MYCBP2: variants seen among roughly 807,000 people sequenced by gnomAD.
MYCBP2 encodes E3 ubiquitin-protein ligase MYCBP2.
Under a neutral mutation model 525.3 loss-of-function variants are expected in MYCBP2, and 120 were observed. That is an observed-to-expected ratio of 0.23 (90% CI 0.20 to 0.27). The LOEUF (loss-of-function observed/expected upper bound fraction) is 0.27, where lower values mean the gene tolerates loss of function less well. Among genes scored for constraint, MYCBP2 ranks in the 10% least tolerant of loss-of-function variants. The pLI is 1.00. For synonymous variants in MYCBP2, 1,894 were observed against 1,955.8 expected (o/e 0.97, Z 0.83); for missense variants, 4,149 against 5,657.1 (o/e 0.73, Z 8.55).
At chr13:77,222,875 T>C (rs1292114470) in intron 20 of MYCBP2, among the ~76,000 whole-genome samples, 1 of 152,220 alleles carries the variant, frequency 6.6e-6, no homozygotes, top group African/African-American at 2.4e-5. Flanking sequence ...GTAAGTTCTC[T>C]TTCTTTCACT....
intron 60 of MYCBP2, 44 bp from the exon 61 acceptor site, chr13:77,089,075 T>C (rs576506767): frequency 5.0e-6 from 7 of 1,391,570 alleles, no homozygotes; most frequent in Admixed American, 2.1e-5. Flanking sequence ...AGGCAGTGCA[T>C]ATATATTTAA....
rs151158886 is a variant in MYCBP2 at position 77,077,025 on chromosome 13, G to GA, written c.11724+122dup. 8.2e-3 allele frequency: 11,379 copies of GA among 1,382,408 alleles called. 691 individuals carry two copies. In the African/African-American group the frequency reaches 0.14, roughly 16 times the overall value. The allele number at this position is 1,382,408 out of a possible 1,614,324, so 85.6% of individuals were successfully genotyped here. On this transcript the variant is annotated intron_variant, in intron 67 of 82. Transcript: ENST00000544440. ...ACTCAGGTGTTTAGGGCTATGAAAA[G>GA]AAAAAATGGGCAACATTTATAGCCA...
At chr13:77,118,297 C>T (rs908638501) in intron 55 of MYCBP2, 2 of 712,450 alleles carry the variant, frequency 2.8e-6, no homozygotes, top group Non-Finnish European at 5.1e-6. Context: ...CAGAACAAAG[C>T]TTCAGAAATG....
intron 75 of MYCBP2, 61 bp from the exon 76 acceptor site, chr13:77,061,362 A>G: frequency 7.4e-7 from 1 of 1,345,444 alleles, no homozygotes; most frequent in African/African-American, 1.5e-5. Flanking sequence ...AAGGGAGAGT[A>G]TAAAATTTAA....
At chr13:77,191,849 C>CACGATA in intron 27 of MYCBP2, 36 bp from the exon 28 acceptor site, 1 of 1,599,030 alleles carries the variant, frequency 6.3e-7, no homozygotes, top group Non-Finnish European at 8.6e-7. Context: ...ACAATATTTT[C>CACGATA]TTACTTCTCT....
At chr13:77,141,712 A>G (rs921650184) in intron 49 of MYCBP2, among the ~76,000 whole-genome samples, 7 of 151,106 alleles carry the variant, frequency 4.6e-5, no homozygotes, top group Middle Eastern at 3.4e-3. Flanking sequence ...TGGAGGTTGC[A>G]GTGGGCAGGG....
At chr13:77,077,800 A>T (rs1388563923) in intron 66 of MYCBP2, 1 of 156,064 alleles carries the variant, frequency 6.4e-6, no homozygotes, top group African/African-American at 2.4e-5. Context: ...CCTCACATTA[A>T]AGTACCATTT....
intron 1 of MYCBP2, among the ~76,000 whole-genome samples, chr13:77,308,501 C>A (rs960561443): frequency 6.6e-6 from 1 of 152,194 alleles, no homozygotes; most frequent in Non-Finnish European, 1.5e-5. Context: ...CTCATCCATA[C>A]AATAGGGTGA....
At position 77,233,177 on chromosome 13, in the gene MYCBP2, G is replaced by T; in HGVS notation, c.2716C>A (p.His906Asn). ...ATACCTTTGTGCTTGTCCCGTTTAT[G>T]CTTTAGCTGTGCTGGATGGGATCTG... is the stretch of plus-strand genomic sequence containing the variant. ...RLRSHPAQLK[H>N]KRDKHKDGSG... Residue 906 changes from histidine (H) to asparagine (N), a missense_variant, in exon 18 of 83, where the codon CAT (histidine) becomes AAT (asparagine). This residue lies in a region of MYCBP2 where 620 missense variants were observed against 795.5 expected (regional missense o/e 0.78). Transcript: ENST00000544440. 6.2e-7 allele frequency: 1 copy of T among 1,613,804 alleles called. No homozygotes were observed. Among genetic ancestry groups the T allele is most frequent in the Non-Finnish European group, 8.5e-7 (1 of 1,179,754 alleles).
chr13:77,312,936 A>G (rs1037415304), intron 1 of MYCBP2, among the ~76,000 whole-genome samples: 3 of 151,998 alleles, frequency 2.0e-5, no homozygotes, highest in African/African-American at 7.2e-5. Context: ...ACATTTATAG[A>G]ACTTCATGTC....
intron 2 of MYCBP2, 28 bp from the exon 3 acceptor site, chr13:77,288,404 T>C: frequency 6.4e-7 from 1 of 1,559,716 alleles, no homozygotes; most frequent in Non-Finnish European, 8.8e-7. Flanking sequence ...ATATTTCCAT[T>C]TCACACTCTT....
In MYCBP2 at chr13:77,150,736, T is replaced by C. The variant is rs370575075; in HGVS notation, c.7129A>G (p.Lys2377Glu). The C allele has an allele frequency of 4.0e-5, 64 of 1,610,156 alleles. No individual in the cohort carries two copies. Among genetic ancestry groups the C allele is most frequent in the Non-Finnish European group, 4.5e-5 (53 of 1,178,372 alleles). ...EARYIAITMM[K>E]VYENYSFEEL... is the part of the protein sequence containing the mutation. ...TTCTGATAAGTAAAATAAATTACCT[T>C]CATCATTGTTATGGCAATATATCGA... The change falls in exon 47 of 83, where the codon AAG becomes GAG. Residue 2377 changes from lysine (K) to glutamate (E), a missense_variant and splice_region_variant. Physicochemically the swap from Lys to Glu is moderately conservative, Grantham distance 56. Transcript: ENST00000544440.
At chr13:77,128,984 A>G (rs1022329572) in intron 52 of MYCBP2, among the ~76,000 whole-genome samples, 1 of 152,066 alleles carries the variant, frequency 6.6e-6, no homozygotes, top group Non-Finnish European at 1.5e-5. Context: ...ACTTAAACTA[A>G]TAATACATTC....
intron 60 of MYCBP2, 114 bp from the exon 61 acceptor site, chr13:77,089,145 C>T (rs532338594): frequency 1.4e-6 from 1 of 724,844 alleles, no homozygotes; most frequent in African/African-American, 1.8e-5. Context: ...GAACATGACA[C>T]AAATCATAAC....
At chr13:77,304,099 C>T (rs1489922137) in intron 1 of MYCBP2, among the ~76,000 whole-genome samples, 1 of 152,106 alleles carries the variant, frequency 6.6e-6, no homozygotes, top group Admixed American at 6.5e-5. Context: ...AACAGAACTA[C>T]CATATGATCC....
In MYCBP2 at chr13:77,216,878, G is replaced by A. The variant is rs562062668; in HGVS notation, c.3057+962C>T. 4.6e-5 allele frequency among the ~76,000 whole-genome samples: 7 copies of A among 152,158 alleles called. No homozygotes were observed. The East Asian group carries it at 5.8e-4, about 13-fold the overall frequency. Reference sequence around the variant, plus strand: ...CAAACTAAAGTATGTAGGAGGTAACGGGCCATAATGTACACAAGACATTGT... The same window carrying A: ...CAAACTAAAGTATGTAGGAGGTAACAGGCCATAATGTACACAAGACATTGT... On this transcript the variant is annotated intron_variant, in intron 21 of 82. Transcript: ENST00000544440.
chr13:77,277,924 T>C (rs2075803696), intron 4 of MYCBP2, among the ~76,000 whole-genome samples: 1 of 152,218 alleles, frequency 6.6e-6, no homozygotes, highest in Non-Finnish European at 1.5e-5. Context: ...TATGCTTCCA[T>C]CTATATTTCT....
intron 57 of MYCBP2, 52 bp from the exon 58 acceptor site, chr13:77,095,654 T>C: frequency 6.3e-7 from 1 of 1,576,566 alleles, no homozygotes. Context: ...TTAAAATCCT[T>C]AGTTTCTTAA....
rs1366525979 is a variant in MYCBP2 at position 77,291,431 on chromosome 13, G to C, written c.379-3055C>G. Among the ~76,000 whole-genome samples the C allele has an allele frequency of 2.6e-5, 4 of 152,164 alleles. No homozygotes were observed. In the East Asian group the frequency reaches 7.7e-4, roughly 29 times the overall value. On this transcript the variant is annotated intron_variant, in intron 2 of 82. Coordinates refer to ENST00000544440, the MANE Select transcript of MYCBP2 (RefSeq NM_015057.5). ...GTCATATACCACTGGTGGGACTACA[G>C]ATTGGAACAACCACTTTGGAAAAGA...
Sources: allele counts gnomAD v4.1 joint callset (sites outside exome capture counted in the v4.1 genomes callset), GRCh38; gene constraint gnomAD v4.1.1; regional missense constraint gnomAD v4.1.1; transcripts MANE v1.5; gene names NCBI Gene and HGNC (gene_info 2026-07-23, HGNC 2026-07-21).